BOD1L1: variants seen among roughly 807,000 people sequenced by gnomAD.
BOD1L1 encodes biorientation of chromosomes in cell division 1 like 1, also known as biorientation of chromosomes in cell division protein 1-like 1.
BOD1L1 carries 86 observed loss-of-function variants against 240.7 expected under a neutral mutation model. That is an observed-to-expected ratio of 0.36 (90% CI 0.30 to 0.43). The LOEUF (loss-of-function observed/expected upper bound fraction) is 0.43, where lower values mean the gene tolerates loss of function less well. Ranked by LOEUF, BOD1L1 falls within the 20% of genes least tolerant of loss-of-function variation. The pLI is 1.00. For missense variants in BOD1L1, 3,554 were observed against 3,643.5 expected (o/e 0.98, Z 0.63); for synonymous variants, 1,268 against 1,272.3 (o/e 1.00, Z 0.07).
intron 10 of BOD1L1, among the ~76,000 whole-genome samples, 161 bp from the exon 11 acceptor site, chr4:13,597,329 T>C (rs530608437): frequency 6.6e-6 from 1 of 152,330 alleles, no homozygotes; most frequent in African/African-American, 2.4e-5. Context: ...ATATGTTGTA[T>C]AAAAGAATCT....
Position 13,603,912 on chromosome 4 carries a change from T to C in BOD1L1, c.2988A>G (p.Leu996=), listed in dbSNP as rs1025147991. ...TATCACTCTTATATTTCTCCTTTGC[T>C]AATGGTAACTTGGCTCTATGACTAG... ...KDSSHRAKLP[L]AKEKYKSDKD... The change falls in exon 10 of 26, where the codon TTA becomes TTG. Residue 996 remains leucine, a synonymous_variant. Transcript: ENST00000040738. 21 of 1,613,966 alleles carry C rather than the reference T, an allele frequency of 1.3e-5. No individual in the cohort carries two copies. Among genetic ancestry groups the C allele is most frequent in the Non-Finnish European group, 1.8e-5 (21 of 1,179,884 alleles).
intron 12 of BOD1L1, among the ~76,000 whole-genome samples, chr4:13,595,600 A>G (rs1181607436): frequency 6.6e-6 from 1 of 152,216 alleles, no homozygotes; most frequent in Non-Finnish European, 1.5e-5. Context: ...TTGCTCCAAA[A>G]CAACTTTCGT....
intron 22 of BOD1L1, chr4:13,578,263 A>T (rs1221652356): frequency 6.6e-6 from 1 of 152,184 alleles, no homozygotes; most frequent in Non-Finnish European, 1.5e-5. Context: ...AAAAAGAAGA[A>T]AAAAGGGGGC....
chr4:13,577,696 G>T, intron 22 of BOD1L1, 65 bp from the exon 23 acceptor site: 1 of 1,248,522 alleles, frequency 8.0e-7, no homozygotes, highest in Non-Finnish European at 1.1e-6. Flanking sequence ...TCAACAATCA[G>T]CCTGGCTTGT....
rs765828574 is a variant in BOD1L1, at chr4:13,605,006, G to A, written c.1894C>T (p.Arg632Trp). 6.2e-6 allele frequency: 10 copies of A among 1,610,024 alleles called. No homozygotes were observed. The highest frequency in any genetic ancestry group is 2.2e-5 in the South Asian group (2 of 90,136). ...ACATGCAAAGACTCTGAAAGTCTCCGGGCAGGTTTACTTGGTTCACTTTTT... is the reference window on the plus strand; with the variant it reads ...ACATGCAAAGACTCTGAAAGTCTCCAGGCAGGTTTACTTGGTTCACTTTTT... ...HAKSEPSKPA[R>W]RLSESLHVVD... Residue 632 changes from arginine to tryptophan, a missense_variant, in exon 10 of 26, where the codon CGG becomes TGG. By Grantham distance (101) the Arg-to-Trp change is moderately radical. Coordinates refer to ENST00000040738, the MANE Select transcript of BOD1L1 (RefSeq NM_148894.3).
chr4:13,585,978 T>C, intron 17 of BOD1L1, among the ~76,000 whole-genome samples: 1 of 152,218 alleles, frequency 6.6e-6, no homozygotes, highest in Admixed American at 6.5e-5. Flanking sequence ...GGTATGTCTT[T>C]ATTAGCAGCA....
At chr4:13,576,541 A>G (rs933031805) in intron 25 of BOD1L1, among the ~76,000 whole-genome samples, 1 of 151,926 alleles carries the variant, frequency 6.6e-6, no homozygotes, top group Non-Finnish European at 1.5e-5. Context: ...GGTGCTCAAT[A>G]CGACATCTGA....
At chr4:13,625,056 T>C (rs577206739) in intron 1 of BOD1L1, 5 of 147,894 alleles carry the variant, frequency 3.4e-5, no homozygotes, top group African/African-American at 5.0e-5. Context: ...GAATATGTCT[T>C]ATTACTAGAA....
chr4:13,602,946 G>T lies in BOD1L1; in HGVS notation c.3954C>A (p.Ser1318=). 6.2e-7 allele frequency: 1 copy of T among 1,613,984 alleles called. No individual in the cohort carries two copies. The highest frequency in any genetic ancestry group is 1.1e-5 in the South Asian group (1 of 91,080). ...TVLEGSTAST[S]PADHSALPNQ... ...TAGGGAGAGCAGAGTGATCCGCAGGGGAGGTGCTGGCTGTGCTACCTTCCA... is the reference window on the plus strand; with the variant it reads ...TAGGGAGAGCAGAGTGATCCGCAGGTGAGGTGCTGGCTGTGCTACCTTCCA... The change falls in exon 10 of 26, where the codon TCC becomes TCA. Residue 1318 remains serine (S), a synonymous_variant. Transcript: ENST00000040738.
chr4:13,591,544 T>G (rs751143800), intron 13 of BOD1L1, among the ~76,000 whole-genome samples: 1 of 152,224 alleles, frequency 6.6e-6, no homozygotes, highest in Admixed American at 6.5e-5. Flanking sequence ...TATGTACACA[T>G]AGCAGTTACA....
rs116346288 is a variant in BOD1L1, at chr4:13,578,917, T to C, written c.8749+1011A>G. On this transcript the variant is annotated intron_variant, in intron 22 of 25. Transcript: ENST00000040738. ...TTTGTAGGGTGCATACATACATTCT[T>C]TATGCATTTGCTTTCTGCAGATGTT... 5.2e-3 allele frequency among the ~76,000 whole-genome samples: 791 copies of C among 152,318 alleles called. 9 individuals are homozygous for C. The highest frequency in any genetic ancestry group is 6.7e-3 in the Non-Finnish European group (455 of 68,022).
intron 25 of BOD1L1, among the ~76,000 whole-genome samples, chr4:13,574,216 C>T (rs1712503754): frequency 1.3e-5 from 2 of 152,094 alleles, no homozygotes; most frequent in East Asian, 1.9e-4. Flanking sequence ...CCACTGAGGT[C>T]CATGCAAAAG....
Position 13,603,868 on chromosome 4 carries a change from C to G in BOD1L1, c.3032G>C (p.Arg1011Thr), listed in dbSNP as rs1715439446. Residue 1011 changes from arginine (R) to threonine (T), a missense_variant, in exon 10 of 26, where the codon AGG becomes ACG. Physicochemically the swap from Arg to Thr is moderately conservative, Grantham distance 71. Transcript: ENST00000040738. ...GCCATCTGACAACTTTCTCTCAAGC[C>G]TGGTGGAAGTGGAGTCTTTATCACT... ...YKSDKDSTST[R>T]LERKLSDGHK... is the part of the protein sequence containing the mutation. 1.2e-6 allele frequency: 2 copies of G among 1,613,604 alleles called. No individual in the cohort carries two copies. Among genetic ancestry groups the G allele is most frequent in the Non-Finnish European group, 1.7e-6 (2 of 1,179,886 alleles).
At chr4:13,620,868 C>A (rs989001337) in intron 1 of BOD1L1, among the ~76,000 whole-genome samples, 1 of 152,186 alleles carries the variant, frequency 6.6e-6, no homozygotes, top group Admixed American at 6.5e-5. Flanking sequence ...GGCATTAAAT[C>A]TGAGGTAAGG....
chr4:13,591,507 A>T (rs143843665), intron 13 of BOD1L1, among the ~76,000 whole-genome samples: 244 of 152,330 alleles, frequency 1.6e-3, no homozygotes, highest in African/African-American at 5.5e-3. Context: ...AATGAACGGG[A>T]TTATGAGAGC....
intron 18 of BOD1L1, 44 bp from the exon 19 acceptor site, chr4:13,582,354 C>T (rs760480201): frequency 2.2e-5 from 33 of 1,493,556 alleles, no homozygotes; most frequent in Admixed American, 8.6e-5. Flanking sequence ...TGACCATGGT[C>T]AGCCTTCCCC....
rs1209744387 is a variant in BOD1L1 at position 13,599,017 on chromosome 4, G to A, written c.7883C>T (p.Thr2628Ile). 4 of 1,613,866 alleles carry A rather than the reference G, an allele frequency of 2.5e-6. No homozygotes were observed. The highest frequency in any genetic ancestry group is 3.3e-5 in the Admixed American group (2 of 60,020). ...TCCTTCCTCAGGGAATGATTTCCTT[G>A]TGCTGTTATCATCTCCTGTTTTCTC... Reference protein sequence around the residue: ...SAEKTGDDNSTRKSFPEEGDI... With the variant: ...SAEKTGDDNSIRKSFPEEGDI... The change falls in exon 10 of 26, where the codon ACA becomes ATA. Residue 2628 changes from threonine to isoleucine, a missense_variant. Thr to Ile is a moderately conservative substitution (Grantham distance 89). Coordinates refer to ENST00000040738, the MANE Select transcript of BOD1L1 (RefSeq NM_148894.3).
intron 9 of BOD1L1, among the ~76,000 whole-genome samples, chr4:13,606,760 T>C (rs1715739772): frequency 6.6e-6 from 1 of 152,188 alleles, no homozygotes; most frequent in Non-Finnish European, 1.5e-5. Flanking sequence ...GACCCGTGGA[T>C]AAGGAATGAG....
chr4:13,615,958 A>G (rs1716559278), intron 2 of BOD1L1, among the ~76,000 whole-genome samples: 2 of 152,042 alleles, frequency 1.3e-5, no homozygotes, highest in Admixed American at 6.6e-5. Context: ...GAGTCCCCAG[A>G]AAAAAAACAA....
Sources: allele counts gnomAD v4.1 joint callset (sites outside exome capture counted in the v4.1 genomes callset), GRCh38; gene constraint gnomAD v4.1.1; transcripts MANE v1.5; gene names NCBI Gene and HGNC (gene_info 2026-07-23, HGNC 2026-07-21).